Variants in SLC44A5 observed in about 807,000 individuals in gnomAD.
The protein encoded by SLC44A5 is choline transporter-like protein 5.
SLC44A5 carries 57 observed loss-of-function variants against 101.8 expected under a neutral mutation model. The observed-to-expected ratio is 0.56, with a 90% CI of 0.45 to 0.70. The LOEUF (loss-of-function observed/expected upper bound fraction) is 0.70, where lower values mean the gene tolerates loss of function less well. Ranked by LOEUF, SLC44A5 falls within the 30% of genes least tolerant of loss-of-function variation. The pLI is 0.00. For synonymous variants in SLC44A5, 281 were observed against 290.9 expected (o/e 0.97, Z 0.35); for missense variants, 737 against 853.1 (o/e 0.86, Z 1.70).
At chr1:75,252,846 G>A (rs115916832) in intron 6 of SLC44A5, among the ~76,000 whole-genome samples, 1 of 152,192 alleles carries the variant, frequency 6.6e-6, no homozygotes, top group Non-Finnish European at 1.5e-5. Context: ...AGCCTCCCTG[G>A]TGGTACCTCA....
chr1:75,675,703 T>C, the SLC44A5 span, among the ~76,000 whole-genome samples: 13 of 152,034 alleles, frequency 8.6e-5, no homozygotes, highest in African/African-American at 1.2e-4. Context: ...AATTGACAAA[T>C]GGGATCTAAT....
intron 2 of SLC44A5, among the ~76,000 whole-genome samples, chr1:75,415,201 C>T (rs940406575): frequency 6.6e-6 from 1 of 152,208 alleles, no homozygotes; most frequent in Non-Finnish European, 1.5e-5. Context: ...CACCTTGCAG[C>T]TCCCATAATT....
At chr1:75,632,846 T>A in the SLC44A5 span, among the ~76,000 whole-genome samples, 2 of 152,286 alleles carry the variant, frequency 1.3e-5, no homozygotes, top group East Asian at 1.9e-4. Flanking sequence ...ACAACAATAA[T>A]AATGGTGATC....
In SLC44A5 at chr1:75,410,400, A is replaced by T. The variant is rs372013130; in HGVS notation, c.14-13779T>A. Reference sequence around the variant, plus strand: ...CTATCGCATCTTTTCATTTGTGATAAAAAAAAAATAGAAGCCAATCTCTAT... The same window carrying T: ...CTATCGCATCTTTTCATTTGTGATATAAAAAAAATAGAAGCCAATCTCTAT... On this transcript the variant is annotated intron_variant, in intron 2 of 23. Transcript: ENST00000370859. 8.8e-4 allele frequency among the ~76,000 whole-genome samples: 133 copies of T among 151,034 alleles called. 2 individuals carry two copies. In the South Asian group the frequency reaches 0.022, roughly 25 times the overall value.
At chr1:75,562,122 T>A (rs1022135687) in intron 1 of SLC44A5, among the ~76,000 whole-genome samples, 20 of 152,058 alleles carry the variant, frequency 1.3e-4, no homozygotes, top group African/African-American at 4.8e-4. Context: ...AAAATAAATT[T>A]AAAAAATTAA....
the SLC44A5 span, among the ~76,000 whole-genome samples, chr1:75,633,611 A>G: frequency 6.6e-6 from 1 of 152,058 alleles, no homozygotes; most frequent in Admixed American, 6.6e-5. Context: ...CAGCTTAAGG[A>G]GATTTTGGGC....
chr1:75,291,477 A>G (rs1653536792), intron 5 of SLC44A5, among the ~76,000 whole-genome samples: 1 of 152,186 alleles, frequency 6.6e-6, no homozygotes, highest in African/African-American at 2.4e-5. Flanking sequence ...TAAATGTAAA[A>G]TTCCAATTCT....
chr1:75,398,951 T>C (rs930121994), intron 2 of SLC44A5, among the ~76,000 whole-genome samples: 4 of 151,914 alleles, frequency 2.6e-5, no homozygotes, highest in Non-Finnish European at 5.9e-5. Context: ...ATATCTAGTA[T>C]AGTAAATTTA....
At chr1:75,458,647 T>TA (rs1359894015) in intron 2 of SLC44A5, among the ~76,000 whole-genome samples, 2 of 152,084 alleles carry the variant, frequency 1.3e-5, no homozygotes, top group East Asian at 3.9e-4. Flanking sequence ...TGGGAATATG[T>TA]AAAAAATGAA....
At chr1:75,602,672 A>C (rs1030150834) in intron 1 of SLC44A5, among the ~76,000 whole-genome samples, 2 of 152,152 alleles carry the variant, frequency 1.3e-5, no homozygotes, top group Non-Finnish European at 2.9e-5. Context: ...TTCTTGTGCA[A>C]CCAAACAAAA....
chr1:75,687,415 T>C, the SLC44A5 span, among the ~76,000 whole-genome samples: 1 of 152,174 alleles, frequency 6.6e-6, no homozygotes, highest in Non-Finnish European at 1.5e-5. Flanking sequence ...GCCATTCTCC[T>C]GCCTCAGCCT....
the SLC44A5 span, among the ~76,000 whole-genome samples, chr1:75,718,813 A>G: frequency 6.0e-4 from 92 of 152,324 alleles, 1 homozygote; most frequent in Non-Finnish European, 1.0e-3. Flanking sequence ...ATTGAAGAAG[A>G]GTCAAGAAAA....
At position 75,517,814 on chromosome 1, in the gene SLC44A5, C is replaced by G. The variant is rs192297833; in HGVS notation, c.13+23621G>C. ...GAGTTTTCAACAGTAACTTTCCTGT[C>G]CCTGTCTTATTGACAATCTCTCCAG... On this transcript the variant is annotated intron_variant, in intron 2 of 23. Coordinates refer to ENST00000370859, the MANE Select transcript of SLC44A5 (RefSeq NM_001130058.2). Among the ~76,000 whole-genome samples the G allele has an allele frequency of 2.3e-3, 352 of 152,298 alleles. 1 individual carries two copies. The highest frequency in any genetic ancestry group is 0.02 in the South Asian group (98 of 4,824).
intron 6 of SLC44A5, among the ~76,000 whole-genome samples, chr1:75,251,699 T>G (rs1278639477): frequency 6.6e-6 from 1 of 152,238 alleles, no homozygotes; most frequent in East Asian, 1.9e-4. Flanking sequence ...GAAGAAACAT[T>G]ATTACATCTG....
intron 1 of SLC44A5, among the ~76,000 whole-genome samples, chr1:75,593,061 A>G (rs1307582087): frequency 1.3e-5 from 2 of 152,166 alleles, no homozygotes; most frequent in Non-Finnish European, 2.9e-5. Context: ...GACATCCCAC[A>G]GAATGGGAGA....
the SLC44A5 span, among the ~76,000 whole-genome samples, chr1:75,624,555 G>A: frequency 6.6e-6 from 1 of 151,990 alleles, no homozygotes; most frequent in African/African-American, 2.4e-5. Context: ...TATCTCTCTA[G>A]GGGAGGTCAG....
chr1:75,643,326 A>G, the SLC44A5 span, among the ~76,000 whole-genome samples: 4 of 152,164 alleles, frequency 2.6e-5, no homozygotes, highest in South Asian at 8.3e-4. Flanking sequence ...ACCCCAGACT[A>G]TTGTTAAACT....
At chr1:75,694,261 G>C in the SLC44A5 span, among the ~76,000 whole-genome samples, 1 of 152,036 alleles carries the variant, frequency 6.6e-6, no homozygotes, top group South Asian at 2.1e-4. Context: ...AATAACGGCA[G>C]GTAAGCAGAG....
At chr1:75,649,957 TCTTA>T in the SLC44A5 span, among the ~76,000 whole-genome samples, 1 of 152,198 alleles carries the variant, frequency 6.6e-6, no homozygotes, top group South Asian at 2.1e-4. Context: ...GGGTAATATC[TCTTA>T]CTTGTTTAAG....
Sources: allele counts gnomAD v4.1 joint callset (sites outside exome capture counted in the v4.1 genomes callset), GRCh38; gene constraint gnomAD v4.1.1; transcripts MANE v1.5; gene names NCBI Gene and HGNC (gene_info 2026-07-23, HGNC 2026-07-21).